SPTLC3: variants seen among roughly 807,000 people sequenced by gnomAD.
The protein encoded by SPTLC3 is serine palmitoyltransferase long chain base subunit 3.
A neutral mutation model predicts 59.3 loss-of-function variants in SPTLC3; 36 were observed. The ratio of observed to expected loss-of-function variants is 0.61; its 90% CI spans 0.47 to 0.80. The LOEUF (loss-of-function observed/expected upper bound fraction) is 0.80. SPTLC3 is among the 30% of genes least tolerant of loss of function. SPTLC3 has a pLI of 0.00. For missense variants in SPTLC3, 625 were observed against 685.1 expected, an observed-to-expected ratio of 0.91 and a Z score of 0.98; for synonymous variants, 257 against 240.8, an observed-to-expected ratio of 1.07 and a Z score of -0.62.
At chr20:13,087,336 C>T (rs1172986288) in intron 4 of SPTLC3, among the ~76,000 whole-genome samples, 2 of 152,178 alleles carry the variant, frequency 1.3e-5, no homozygotes, top group Non-Finnish European at 2.9e-5. Context: ...TGAACTTCTG[C>T]TCATGCACTT....
At chr20:13,053,345 G>A (rs910957934) in intron 2 of SPTLC3, among the ~76,000 whole-genome samples, 5 of 152,014 alleles carry the variant, frequency 3.3e-5, no homozygotes, top group African/African-American at 1.2e-4. Context: ...AAGGAATAGC[G>A]TCAACATCAA....
At chr20:13,011,858 A>G (rs1985272670) in intron 1 of SPTLC3, among the ~76,000 whole-genome samples, 1 of 152,042 alleles carries the variant, frequency 6.6e-6, no homozygotes, top group Non-Finnish European at 1.5e-5. Context: ...TTGTAACAGG[A>G]CACTATCATA....
chr20:13,099,849 G>A (rs1270359979), intron 6 of SPTLC3, among the ~76,000 whole-genome samples: 3 of 152,206 alleles, frequency 2.0e-5, no homozygotes, highest in Non-Finnish European at 4.4e-5. Context: ...TTTAGGATCT[G>A]CAGAAACTGT....
At chr20:13,160,518 C>T (rs1600411272) in intron 11 of SPTLC3, among the ~76,000 whole-genome samples, 1 of 152,182 alleles carries the variant, frequency 6.6e-6, no homozygotes, top group Non-Finnish European at 1.5e-5. Context: ...TATGACCCAA[C>T]TAAGCAACAT....
At chr20:13,056,928 G>C (rs945726399) in intron 2 of SPTLC3, among the ~76,000 whole-genome samples, 16 of 151,836 alleles carry the variant, frequency 1.1e-4, no homozygotes, top group Non-Finnish European at 2.4e-4. Flanking sequence ...TTTTAGTACA[G>C]ACAGCGTTTC....
At chr20:13,077,674 A>T (rs978562186) in intron 4 of SPTLC3, among the ~76,000 whole-genome samples, 4 of 152,184 alleles carry the variant, frequency 2.6e-5, no homozygotes, top group African/African-American at 7.2e-5. Context: ...TAAACTGGGC[A>T]ACCAACATAG....
chr20:13,123,379 G>A (rs980452110), intron 8 of SPTLC3, among the ~76,000 whole-genome samples: 3 of 151,470 alleles, frequency 2.0e-5, no homozygotes, highest in African/African-American at 4.9e-5. Context: ...GTTTCACTGT[G>A]TACCAGATGC....
intron 9 of SPTLC3, among the ~76,000 whole-genome samples, chr20:13,131,742 CT>C (rs936761681): frequency 1.1e-4 from 16 of 152,170 alleles, no homozygotes. Flanking sequence ...TTGCTCTTGC[CT>C]TTTTATGGCT....
intron 1 of SPTLC3, among the ~76,000 whole-genome samples, chr20:13,048,202 CA>C (rs5840548): frequency 0.34 from 52,303 of 152,008 alleles, 9,276 homozygotes; most frequent in South Asian, 0.46. Flanking sequence ...TTGAGACCTA[CA>C]AATACATATG....
intron 9 of SPTLC3, among the ~76,000 whole-genome samples, chr20:13,149,364 C>A (rs2038591972): frequency 6.6e-6 from 1 of 152,202 alleles, no homozygotes; most frequent in African/African-American, 2.4e-5. Context: ...TCTGCTTTTG[C>A]AAATCACTCT....
chr20:13,074,155 G>T, intron 3 of SPTLC3, 194 bp from the exon 4 acceptor site: 1 of 790,318 alleles, frequency 1.3e-6, no homozygotes, highest in East Asian at 2.6e-5. Context: ...GATCCTCCGA[G>T]GGAAACCAAC....
At chr20:13,079,745 C>A in intron 4 of SPTLC3, 1 of 470,464 alleles carries the variant, frequency 2.1e-6, no homozygotes, top group Non-Finnish European at 4.4e-6. Context: ...CCCATCTTTT[C>A]CAGGTGAATT....
intron 1 of SPTLC3, among the ~76,000 whole-genome samples, chr20:13,046,434 G>A (rs1987235489): frequency 6.6e-6 from 1 of 152,154 alleles, no homozygotes; most frequent in Admixed American, 6.5e-5. Flanking sequence ...ACTGCTCCTT[G>A]CAGATAGTTT....
rs142776232 is a variant in SPTLC3, at chr20:13,155,285, C to T, written c.1415+1147C>T. Among the ~76,000 whole-genome samples the T allele has an allele frequency of 1.9e-3, 292 of 152,256 alleles. 4 individuals are homozygous for T. The highest frequency in any genetic ancestry group is 6.5e-3 in the African/African-American group (270 of 41,564). On this transcript the variant is annotated intron_variant, in intron 10 of 11. Coordinates refer to ENST00000399002, the MANE Select transcript of SPTLC3 (RefSeq NM_018327.4). ...ATAGAAATTCATATTCAACATACTA[C>T]GCATCAGATTCTAGAGGTCCTAACT...
chr20:13,096,362 T>C (rs964144594), intron 6 of SPTLC3, among the ~76,000 whole-genome samples: 5 of 151,888 alleles, frequency 3.3e-5, no homozygotes, highest in African/African-American at 1.2e-4. Context: ...ATAGCCAAAA[T>C]CTGGAAACAA....
intron 9 of SPTLC3, among the ~76,000 whole-genome samples, chr20:13,139,262 G>A (rs868506845): frequency 6.6e-6 from 1 of 152,162 alleles, no homozygotes; most frequent in Non-Finnish European, 1.5e-5. Flanking sequence ...GAAAGATAAA[G>A]GGGTATTGGG....
At chr20:13,016,509 A>G (rs1985533983) in intron 1 of SPTLC3, among the ~76,000 whole-genome samples, 1 of 152,178 alleles carries the variant, frequency 6.6e-6, no homozygotes, top group African/African-American at 2.4e-5. Flanking sequence ...AACTTACCCC[A>G]AGGTCACACA....
In SPTLC3 at chr20:13,015,980, C is replaced by T. The variant is rs1041492105; in HGVS notation, c.117+6596C>T. 9.2e-5 allele frequency among the ~76,000 whole-genome samples: 14 copies of T among 151,972 alleles called. No individual in the cohort carries two copies. In the East Asian group the frequency reaches 2.7e-3, roughly 29 times the overall value. On this transcript the variant is annotated intron_variant, in intron 1 of 11. Coordinates refer to ENST00000399002, the MANE Select transcript of SPTLC3 (RefSeq NM_018327.4). ...CATGGCAAAAACAAAACAAGAATAA[C>T]ACCGTGAAATAACCAAAAGGCAAAT...
intron 4 of SPTLC3, among the ~76,000 whole-genome samples, chr20:13,086,043 A>G (rs996329802): frequency 3.9e-5 from 6 of 152,204 alleles, no homozygotes; most frequent in African/African-American, 1.4e-4. Flanking sequence ...AAAATGTCAC[A>G]GAGAAACAGA....
Sources: allele counts gnomAD v4.1 joint callset (sites outside exome capture counted in the v4.1 genomes callset), GRCh38; gene constraint gnomAD v4.1.1; transcripts MANE v1.5; gene names NCBI Gene and HGNC (gene_info 2026-07-23, HGNC 2026-07-21).